The following DCAF4L1 variants were observed in gnomAD, a reference collection of about 807,000 sequenced individuals.
DCAF4L1 encodes DDB1 and CUL4 associated factor 4 like 1.
A neutral mutation model predicts 28.2 loss-of-function variants in DCAF4L1; 4 were observed. The ratio of observed to expected loss-of-function variants is 0.14; its 90% CI spans 0.07 to 0.33. The LOEUF (loss-of-function observed/expected upper bound fraction) is 0.33. Among genes scored for constraint, DCAF4L1 ranks in the 10% least tolerant of loss-of-function variants. The probability of loss-of-function intolerance (pLI) is 1.00; values close to 1 mark genes in which losing one functional copy is unlikely to be tolerated. For missense variants in DCAF4L1, 331 were observed against 506.1 expected (o/e 0.65, Z 3.32); for synonymous variants, 252 against 212.1 (o/e 1.19, Z -1.63).
In DCAF4L1 at chr4:41,985,077, TTCAG is replaced by T. The variant is rs1714109210; in HGVS notation, c.*2096_*2099del. The stretch of plus-strand genomic sequence containing the variant: ...TAATGAAGAAAAGACATTGCAATCA[TTCAG>T]TAAGAACTAGCTGCAGACATATATA... On this transcript the variant is annotated 3_prime_UTR_variant, in exon 1 of 1. Transcript: ENST00000333141. 6.0e-6 allele frequency: 1 copy of T among 167,044 alleles called. No homozygotes were observed. 10.3% of individuals were successfully genotyped at this position (167,044 alleles called of 1,614,324 possible).
Position 41,982,215 on chromosome 4 carries a change from C to G in DCAF4L1, c.423C>G (p.His141Gln), listed in dbSNP as rs1486887442. 2 of 1,614,238 alleles carry G rather than the reference C, an allele frequency of 1.2e-6. No individual in the cohort carries two copies. The highest frequency in any genetic ancestry group is 2.7e-5 in the African/African-American group (2 of 75,066). The change falls in exon 1 of 1, where the codon CAC becomes CAG. Residue 141 changes from histidine to glutamine, a missense_variant. By Grantham distance (24) the His-to-Gln change is conservative. Coordinates refer to ENST00000333141, the MANE Select transcript of DCAF4L1 (RefSeq NM_001029955.4). This position sits in a 1 kb window ranked among gnomAD's most constrained non-coding sequence, Gnocchi z 4.4. ...CWASLNQLDS[H>Q]VLLCFEGITD... The stretch of plus-strand genomic sequence containing the variant: ...CCTCGCTGAACCAGTTGGACTCTCA[C>G]GTTCTGCTGTGCTTCGAGGGAATCA...
At position 41,983,126 on chromosome 4, in the gene DCAF4L1, GT is replaced by G; in HGVS notation, c.*147del. 1.4e-6 allele frequency: 1 copy of G among 699,888 alleles called. No homozygotes were observed. The highest frequency in any genetic ancestry group is 2.4e-6 in the Non-Finnish European group (1 of 417,548). 43.4% of individuals were successfully genotyped at this position (699,888 alleles called of 1,614,324 possible). On this transcript the variant is annotated 3_prime_UTR_variant, in exon 1 of 1. Coordinates refer to ENST00000333141, the MANE Select transcript of DCAF4L1 (RefSeq NM_001029955.4). The stretch of plus-strand genomic sequence containing the variant: ...GGCTGCCAGGGGTAAGGTGTTAAGA[GT>G]TTTATGTGGAGACGTTCTTGTAAAG...
chr4:41,985,446 G>A lies in DCAF4L1; in HGVS notation c.*2463G>A, dbSNP rs1260503299. On this transcript the variant is annotated 3_prime_UTR_variant, in exon 1 of 1. Coordinates refer to ENST00000333141, the MANE Select transcript of DCAF4L1 (RefSeq NM_001029955.4). ...GTTGGGAATTAAAAGAGAAGCAAAT[G>A]TTGGTGCAGTTGTGAGCAAATAGAA... 1 of 167,104 alleles carries A rather than the reference G, an allele frequency of 6.0e-6. No homozygotes were observed. Among genetic ancestry groups the A allele is most frequent in the East Asian group, 1.9e-4 (1 of 5,206 alleles). 10.4% of individuals were successfully genotyped at this position (167,104 alleles called of 1,614,324 possible).
At position 41,985,185 on chromosome 4, in the gene DCAF4L1, T is replaced by G. The variant is rs1714114076; in HGVS notation, c.*2202T>G. On this transcript the variant is annotated 3_prime_UTR_variant, in exon 1 of 1. Transcript: ENST00000333141. ...AAAATGACTACATAACTTGATAAACTGTTTATCCTCATTTGCAAAGAAAAC... is the reference window on the plus strand; with the variant it reads ...AAAATGACTACATAACTTGATAAACGGTTTATCCTCATTTGCAAAGAAAAC... 1 of 166,822 alleles carries G rather than the reference T, an allele frequency of 6.0e-6. No homozygotes were observed. Among genetic ancestry groups the G allele is most frequent in the Non-Finnish European group, 1.5e-5 (1 of 68,072 alleles). The allele number at this position is 166,822 out of a possible 1,614,324, so 10.3% of individuals were successfully genotyped here.
rs1263924960 is a variant in DCAF4L1 at position 41,985,052 on chromosome 4, TAATG to T, written c.*2072_*2075del. 7.2e-5 allele frequency: 12 copies of T among 166,798 alleles called. No individual in the cohort carries two copies. The highest frequency in any genetic ancestry group is 2.2e-4 in the African/African-American group (9 of 41,392). 10.3% of individuals were successfully genotyped at this position (166,798 alleles called of 1,614,324 possible). A position where few individuals can be genotyped will look rare whatever the true frequency, so the allele number is the denominator to read the frequency against. On this transcript the variant is annotated 3_prime_UTR_variant, in exon 1 of 1. Transcript: ENST00000333141. ...AGCATTCAAAATAAAACAAAACAAT[TAATG>T]AAGAAAAGACATTGCAATCATTCAG...
rs765568294 is a variant in DCAF4L1, at chr4:41,983,604, T to G, written c.*621T>G. 1.4e-4 allele frequency: 23 copies of G among 167,296 alleles called. No individual in the cohort carries two copies. Among genetic ancestry groups the G allele is most frequent in the South Asian group, 8.3e-4 (4 of 4,826 alleles). The allele number at this position is 167,296 out of a possible 1,614,324, so 10.4% of individuals were successfully genotyped here. ...AGGAAAGATGGATCTTTTTAAATAC[T>G]AGAAGTTTTAAACAGTCCTTGATGT... On this transcript the variant is annotated 3_prime_UTR_variant, in exon 1 of 1. Transcript: ENST00000333141.
chr4:41,982,946 C>G lies in DCAF4L1; in HGVS notation c.1154C>G (p.Ala385Gly), dbSNP rs746797054. ...IRGAAPGLLMAVRQDLYCFPF... is the reference protein window; with the variant it reads ...IRGAAPGLLMGVRQDLYCFPF... ...GGAGCAGCACCAGGGCTGCTCATGG[C>G]TGTCCGGCAGGACCTTTATTGTTTC... is the stretch of plus-strand genomic sequence containing the variant. The change falls in exon 1 of 1, where the codon GCT becomes GGT. Residue 385 changes from alanine to glycine, a missense_variant. Ala to Gly is a moderately conservative substitution (Grantham distance 60). Coordinates refer to ENST00000333141, the MANE Select transcript of DCAF4L1 (RefSeq NM_001029955.4). This position sits in a 1 kb window ranked among gnomAD's most constrained non-coding sequence, Gnocchi z 4.4. 3 of 1,613,150 alleles carry G rather than the reference C, an allele frequency of 1.9e-6. No individual in the cohort carries two copies. In the African/African-American group the frequency reaches 4.0e-5, roughly 22 times the overall value.
At position 41,982,971 on chromosome 4, in the gene DCAF4L1, C is replaced by T. The variant is rs1265511978; in HGVS notation, c.1179C>T (p.Phe393=). ...LMAVRQDLYC[F]PFS ...CTGTCCGGCAGGACCTTTATTGTTT[C>T]CCCTTCAGCTAATTCTGCAGGTGGC... is the stretch of plus-strand genomic sequence containing the variant. The change falls in exon 1 of 1, where the codon TTC becomes TTT. Residue 393 remains phenylalanine, a synonymous_variant. Coordinates refer to ENST00000333141, the MANE Select transcript of DCAF4L1 (RefSeq NM_001029955.4). This position sits in a 1 kb window ranked among gnomAD's most constrained non-coding sequence, Gnocchi z 4.4. 5.0e-6 allele frequency: 8 copies of T among 1,602,524 alleles called. No homozygotes were observed. The East Asian group carries it at 6.7e-5, about 13-fold the overall frequency.
rs905752270 is a variant in DCAF4L1 at position 41,986,339 on chromosome 4, G to A, written c.*3356G>A. On this transcript the variant is annotated 3_prime_UTR_variant, in exon 1 of 1. Coordinates refer to ENST00000333141, the MANE Select transcript of DCAF4L1 (RefSeq NM_001029955.4). ...AGGATATGGTTGTTACTGCTGTCAG[G>A]TGCATCCTCTCTATAGCGGGGTACT... 1 of 160,274 alleles carries A rather than the reference G, an allele frequency of 6.2e-6. No individual in the cohort carries two copies. The highest frequency in any genetic ancestry group is 1.5e-5 in the Non-Finnish European group (1 of 65,658). The allele number at this position is 160,274 out of a possible 1,614,324, so 9.9% of individuals were successfully genotyped here. A position where few individuals can be genotyped will look rare whatever the true frequency, so the allele number is the denominator to read the frequency against.
chr4:41,983,182 GA>G lies in DCAF4L1; in HGVS notation c.*202del. On this transcript the variant is annotated 3_prime_UTR_variant, in exon 1 of 1. Coordinates refer to ENST00000333141, the MANE Select transcript of DCAF4L1 (RefSeq NM_001029955.4). Reference sequence around the variant, plus strand: ...TTCAGTTAAACTGTGGACTTAACTTGAAAGTCCTTTTCATAAAAGGTACCTG... The same window carrying G: ...TTCAGTTAAACTGTGGACTTAACTTGAAGTCCTTTTCATAAAAGGTACCTG... The G allele has an allele frequency of 1.8e-6, 1 of 561,550 alleles. No individual in the cohort carries two copies. Among genetic ancestry groups the G allele is most frequent in the East Asian group, 3.1e-5 (1 of 32,644 alleles). 34.8% of individuals were successfully genotyped at this position (561,550 alleles called of 1,614,324 possible).
rs760828584 is a variant in DCAF4L1, at chr4:41,982,571, A to G, written c.779A>G (p.Lys260Arg). Reference protein sequence around the residue: ...AIDLRCRNRGKGWRATRLFHD... With the variant: ...AIDLRCRNRGRGWRATRLFHD... ...GATCTGCGTTGTAGAAATCGAGGCA[A>G]GGGGTGGAGGGCCACTCGCCTGTTC... Residue 260 changes from lysine to arginine, a missense_variant, in exon 1 of 1, where the codon AAG (lysine) becomes AGG (arginine). By Grantham distance (26) the Lys-to-Arg change is conservative. Coordinates refer to ENST00000333141, the MANE Select transcript of DCAF4L1 (RefSeq NM_001029955.4). The surrounding 1 kb of genome is among the most constrained non-coding windows in gnomAD (Gnocchi z 4.4). 3 of 1,614,042 alleles carry G rather than the reference A, an allele frequency of 1.9e-6. No homozygotes were observed. Among genetic ancestry groups the G allele is most frequent in the African/African-American group, 1.3e-5 (1 of 74,904 alleles).
Position 41,982,840 on chromosome 4 carries a change from A to G in DCAF4L1, c.1048A>G (p.Arg350Gly). 1 of 1,614,156 alleles carries G rather than the reference A, an allele frequency of 6.2e-7. No individual in the cohort carries two copies. The highest frequency in any genetic ancestry group is 8.5e-7 in the Non-Finnish European group (1 of 1,180,018). ...IWSLHDAHLL[R>G]TIPSPYSASE... ...GAGCCTCCATGATGCCCACCTGCTC[A>G]GAACCATCCCTTCCCCGTACTCTGC... Residue 350 changes from arginine to glycine, a missense_variant, in exon 1 of 1, where the codon AGA (arginine) becomes GGA (glycine). Coordinates refer to ENST00000333141, the MANE Select transcript of DCAF4L1 (RefSeq NM_001029955.4). This position sits in a 1 kb window ranked among gnomAD's most constrained non-coding sequence, Gnocchi z 4.4.
rs751949363 is a variant in DCAF4L1, at chr4:41,982,896, C to T, written c.1104C>T (p.Phe368=). 3 of 1,614,216 alleles carry T rather than the reference C, an allele frequency of 1.9e-6. No homozygotes were observed. Among genetic ancestry groups the T allele is most frequent in the Non-Finnish European group, 2.5e-6 (3 of 1,180,046 alleles). The change falls in exon 1 of 1, where the codon TTC becomes TTT. Residue 368 remains phenylalanine, a synonymous_variant. Coordinates refer to ENST00000333141, the MANE Select transcript of DCAF4L1 (RefSeq NM_001029955.4). This position sits in a 1 kb window ranked among gnomAD's most constrained non-coding sequence, Gnocchi z 4.4. Reference sequence around the variant, plus strand: ...AGGACGACATTCCCAGCGTGGCCTTCGCTTCTCGGCTCGGGGGCATCCGGG... The same window carrying T: ...AGGACGACATTCCCAGCGTGGCCTTTGCTTCTCGGCTCGGGGGCATCCGGG... The part of the protein sequence containing the change: ...ASEDDIPSVA[F]ASRLGGIRGA...
rs956323615 is a variant in DCAF4L1 at position 41,982,411 on chromosome 4, C to G, written c.619C>G (p.Gln207Glu). Residue 207 changes from glutamine to glutamate, a missense_variant, in exon 1 of 1, where the codon CAG becomes GAG. By Grantham distance (29) the Gln-to-Glu change is conservative (BLOSUM62 2). Coordinates refer to ENST00000333141, the MANE Select transcript of DCAF4L1 (RefSeq NM_001029955.4). The surrounding 1 kb of genome is among the most constrained non-coding windows in gnomAD (Gnocchi z 4.4). ...CTGCTTTAGTGCAGGCTTGTCTCAG[C>G]AGGTCCTGTTGACCAGCGTGGCGAC... is the stretch of plus-strand genomic sequence containing the variant. Reference protein sequence around the residue: ...YHCFSAGLSQQVLLTSVATGH... With the variant: ...YHCFSAGLSQEVLLTSVATGH... 1.2e-6 allele frequency: 2 copies of G among 1,614,258 alleles called. No homozygotes were observed. Among genetic ancestry groups the G allele is most frequent in the Non-Finnish European group, 1.7e-6 (2 of 1,180,050 alleles).
rs1367995891 is a variant in DCAF4L1 at position 41,985,002 on chromosome 4, T to C, written c.*2019T>C. The C allele has an allele frequency of 6.0e-6, 1 of 167,056 alleles. No individual in the cohort carries two copies. The highest frequency in any genetic ancestry group is 1.5e-5 in the Non-Finnish European group (1 of 68,106). The allele number at this position is 167,056 out of a possible 1,614,324, so 10.3% of individuals were successfully genotyped here. ...AAAGTAGATACAGGGTTAAAGGATA[T>C]GTATCTTGTCCCTTTTACATTGTAA... On this transcript the variant is annotated 3_prime_UTR_variant, in exon 1 of 1. Transcript: ENST00000333141.
Position 41,982,353 on chromosome 4 carries a change from C to A in DCAF4L1, c.561C>A (p.Ser187=). Residue 187 remains serine, a synonymous_variant, in exon 1 of 1, where the codon TCC becomes TCA. Coordinates refer to ENST00000333141, the MANE Select transcript of DCAF4L1 (RefSeq NM_001029955.4). The surrounding 1 kb of genome is among the most constrained non-coding windows in gnomAD (Gnocchi z 4.4). The part of the protein sequence containing the change: ...LCSFQIPEAW[S]CAWSLNTRAY... Reference sequence around the variant, plus strand: ...GTTTCCAGATCCCAGAGGCCTGGTCCTGTGCGTGGTCCCTCAACACCCGGG... The same window carrying A: ...GTTTCCAGATCCCAGAGGCCTGGTCATGTGCGTGGTCCCTCAACACCCGGG... The A allele has an allele frequency of 6.2e-7, 1 of 1,614,212 alleles. No homozygotes were observed. Among genetic ancestry groups the A allele is most frequent in the Non-Finnish European group, 8.5e-7 (1 of 1,180,044 alleles).
Position 41,981,769 on chromosome 4 carries a change from A to G in DCAF4L1, c.-24A>G, listed in dbSNP as rs1713987951. 6.2e-7 allele frequency: 1 copy of G among 1,606,040 alleles called. No homozygotes were observed. The highest frequency in any genetic ancestry group is 8.5e-7 in the Non-Finnish European group (1 of 1,174,632). On this transcript the variant is annotated 5_prime_UTR_variant, in exon 1 of 1. Transcript: ENST00000333141. ...AGAACATCCTGCAGAATTTCCTGTC[A>G]CGAGGAACATTCCGCAGGAGGAAAT...
rs912087970 is a variant in DCAF4L1, at chr4:41,985,097, G to A, written c.*2114G>A. The A allele has an allele frequency of 4.8e-5, 8 of 165,752 alleles. No homozygotes were observed. Among genetic ancestry groups the A allele is most frequent in the Non-Finnish European group, 8.8e-5 (6 of 67,914 alleles). The allele number at this position is 165,752 out of a possible 1,614,324, so 10.3% of individuals were successfully genotyped here. On this transcript the variant is annotated 3_prime_UTR_variant, in exon 1 of 1. Transcript: ENST00000333141. Reference sequence around the variant, plus strand: ...AATCATTCAGTAAGAACTAGCTGCAGACATATATATGTATATATATATATG... The same window carrying A: ...AATCATTCAGTAAGAACTAGCTGCAAACATATATATGTATATATATATATG...
Position 41,985,955 on chromosome 4 carries a change from T to A in DCAF4L1, c.*2972T>A, listed in dbSNP as rs1714145252. 6.0e-6 allele frequency: 1 copy of A among 167,096 alleles called. No individual in the cohort carries two copies. The allele number at this position is 167,096 out of a possible 1,614,324, so 10.4% of individuals were successfully genotyped here. A position where few individuals can be genotyped will look rare whatever the true frequency, so the allele number is the denominator to read the frequency against. ...GCCAGACCCCTAGTGACTCCAATAG[T>A]AATGGCACTGTGTCCGAGAGTCCAA... On this transcript the variant is annotated 3_prime_UTR_variant, in exon 1 of 1. Coordinates refer to ENST00000333141, the MANE Select transcript of DCAF4L1 (RefSeq NM_001029955.4).
Sources: gnomAD v4.1 joint callset for allele counts on GRCh38, gnomAD v4.1.1 for gene constraint, Gnocchi (gnomAD v3.1) non-coding constraint, MANE v1.5 for transcripts, NCBI Gene and HGNC (gene_info 2026-07-23, HGNC 2026-07-21) for gene names.